IGF2BP3: variants seen among roughly 807,000 people sequenced by gnomAD.
The protein encoded by IGF2BP3 is insulin like growth factor 2 mRNA binding protein 3.
IGF2BP3 carries 9 observed loss-of-function variants against 73.8 expected under a neutral mutation model. That is an observed-to-expected ratio of 0.12 (90% CI 0.07 to 0.21). IGF2BP3 has a LOEUF of 0.21. Ranked by LOEUF, IGF2BP3 falls within the 10% of genes least tolerant of loss-of-function variation. The pLI is 1.00. For missense variants in IGF2BP3, 542 were observed against 714.0 expected (o/e 0.76, Z 2.75); for synonymous variants, 258 against 256.7 (o/e 1.01, Z -0.05).
intron 3 of IGF2BP3, among the ~76,000 whole-genome samples, chr7:23,377,410 C>G (rs1785762404): frequency 6.6e-6 from 1 of 152,122 alleles, no homozygotes; most frequent in Non-Finnish European, 1.5e-5. Flanking sequence ...TAACAGAAAT[C>G]AAACTAAAGT....
At chr7:23,338,533 C>T (rs1351339130) in intron 10 of IGF2BP3, among the ~76,000 whole-genome samples, 1 of 152,174 alleles carries the variant, frequency 6.6e-6, no homozygotes, top group Non-Finnish European at 1.5e-5. Flanking sequence ...GCATAAAACT[C>T]CTGATGACCT....
Position 23,312,231 on chromosome 7 carries a change from T to G in IGF2BP3, c.*131A>C. On this transcript the variant is annotated 3_prime_UTR_variant, in exon 15 of 15. Coordinates refer to ENST00000258729, the MANE Select transcript of IGF2BP3 (RefSeq NM_006547.3). ...AGACAGGAGTTCAAAAGTTGCCTGG[T>G]CCTCAGAAACAACTGGCTAGGTAAA... is the stretch of plus-strand genomic sequence containing the variant. 1.4e-6 allele frequency: 1 copy of G among 694,908 alleles called. No individual in the cohort carries two copies. The highest frequency in any genetic ancestry group is 2.6e-6 in the Non-Finnish European group (1 of 388,338). 43.0% of individuals were successfully genotyped at this position (694,908 alleles called of 1,614,324 possible).
rs1788625226 is a variant in IGF2BP3, at chr7:23,468,547, G to A, written c.176-5C>T. 3 of 1,614,092 alleles carry A rather than the reference G, an allele frequency of 1.9e-6. No homozygotes were observed. Among genetic ancestry groups the A allele is most frequent in the Non-Finnish European group, 2.5e-6 (3 of 1,179,928 alleles). ...TCCCGTGCAGTTCTATTTTACCTGCGGACACACAAGAAGTGAGACGGTCGG... is the reference window on the plus strand; with the variant it reads ...TCCCGTGCAGTTCTATTTTACCTGCAGACACACAAGAAGTGAGACGGTCGG... On this transcript the variant is annotated splice_polypyrimidine_tract_variant and splice_region_variant and intron_variant, in intron 1 of 14. Transcript: ENST00000258729.
chr7:23,359,135 C>T (rs561961649), intron 5 of IGF2BP3, among the ~76,000 whole-genome samples: 65 of 152,318 alleles, frequency 4.3e-4, no homozygotes, highest in African/African-American at 1.4e-3. Context: ...TTAACAACTA[C>T]GCTAAAGAAT....
At chr7:23,451,425 GT>G (rs764098068) in intron 2 of IGF2BP3, among the ~76,000 whole-genome samples, 1 of 151,630 alleles carries the variant, frequency 6.6e-6, no homozygotes, top group African/African-American at 2.4e-5. Context: ...TCAAAAAAGA[GT>G]TTTTTATTTA....
intron 2 of IGF2BP3, among the ~76,000 whole-genome samples, chr7:23,461,495 C>T (rs1788449790): frequency 6.6e-6 from 1 of 152,178 alleles, no homozygotes. Context: ...GCTCCTCTCC[C>T]AATATTCTCC....
chr7:23,312,886 T>A, intron 13 of IGF2BP3, 38 bp from the exon 14 acceptor site: 1 of 1,383,050 alleles, frequency 7.2e-7, no homozygotes, highest in Middle Eastern at 1.8e-4. Context: ...AAGTGGCAGT[T>A]TTAAAACCTT....
At chr7:23,325,940 AAGACTTAAACGTT>A (rs1256931577) in intron 10 of IGF2BP3, among the ~76,000 whole-genome samples, 1 of 152,240 alleles carries the variant, frequency 6.6e-6, no homozygotes, top group Admixed American at 6.5e-5. Flanking sequence ...AGATGGACTA[AAGACTTAAACGTT>A]AGACCTAAAA....
chr7:23,468,845 G>A (rs1788633536), intron 1 of IGF2BP3, among the ~76,000 whole-genome samples: 1 of 152,184 alleles, frequency 6.6e-6, no homozygotes, highest in Non-Finnish European at 1.5e-5. Flanking sequence ...CAAGAGGGAC[G>A]CGGCCCACCC....
At chr7:23,321,201 G>T (rs202189747) in intron 10 of IGF2BP3, among the ~76,000 whole-genome samples, 317 of 138,846 alleles carry the variant, frequency 2.3e-3, no homozygotes, top group South Asian at 5.1e-3. Context: ...GTGGGCGCAG[G>T]TCAGTGGGTG....
intron 3 of IGF2BP3, among the ~76,000 whole-genome samples, chr7:23,376,780 T>G (rs770245393): frequency 6.6e-6 from 1 of 151,908 alleles, no homozygotes. Flanking sequence ...AGGCAGGAGG[T>G]TGGCTTGGCC....
At chr7:23,407,947 AGGGGGC>A (rs1786892532) in intron 3 of IGF2BP3, among the ~76,000 whole-genome samples, 1 of 4,454 alleles carries the variant, frequency 2.2e-4, no homozygotes, top group Non-Finnish European at 8.0e-4. Flanking sequence ...TGTGGGGGGC[AGGGGGC>A]GGGGGGCGGG....
intron 3 of IGF2BP3, among the ~76,000 whole-genome samples, chr7:23,369,005 A>T (rs1785469879): frequency 6.6e-6 from 1 of 152,224 alleles, no homozygotes; most frequent in Admixed American, 6.5e-5. Flanking sequence ...AAATACTAAA[A>T]GCAACTTTAC....
intron 3 of IGF2BP3, among the ~76,000 whole-genome samples, chr7:23,392,414 G>T (rs189886045): frequency 0.018 from 2,313 of 127,786 alleles, 44 homozygotes; most frequent in Middle Eastern, 0.045. Context: ...AAAAAAAAAA[G>T]ACAAGGACAG....
At chr7:23,325,037 C>G (rs1784256667) in intron 10 of IGF2BP3, among the ~76,000 whole-genome samples, 1 of 151,882 alleles carries the variant, frequency 6.6e-6, no homozygotes, top group Non-Finnish European at 1.5e-5. Context: ...TCTCTCACCA[C>G]TCCTACTCAA....
At chr7:23,367,583 G>A (rs1785415461) in intron 3 of IGF2BP3, among the ~76,000 whole-genome samples, 4 of 152,056 alleles carry the variant, frequency 2.6e-5, no homozygotes, top group Admixed American at 2.0e-4. Context: ...AAATTCCAAC[G>A]ACAGGGGAGG....
At chr7:23,437,154 T>G (rs1038098239) in intron 2 of IGF2BP3, among the ~76,000 whole-genome samples, 3 of 151,756 alleles carry the variant, frequency 2.0e-5, no homozygotes, top group Admixed American at 2.0e-4. Context: ...TATAGGATAC[T>G]TTTTAAACTT....
At chr7:23,437,695 AG>A (rs1489933959) in intron 2 of IGF2BP3, among the ~76,000 whole-genome samples, 1 of 152,186 alleles carries the variant, frequency 6.6e-6, no homozygotes, top group African/African-American at 2.4e-5. Context: ...AATCATTTCC[AG>A]ATTATTTCTG....
rs138273194 is a variant in IGF2BP3 at position 23,460,074 on chromosome 7, A to T, written c.236+8408T>A. ...CAAGACATCGTCTCTACTAAAAATTAAAAAAAAAATTAGCCAGACGAGGAG... is the reference window on the plus strand; with the variant it reads ...CAAGACATCGTCTCTACTAAAAATTTAAAAAAAAATTAGCCAGACGAGGAG... On this transcript the variant is annotated intron_variant, in intron 2 of 14. Transcript: ENST00000258729. Among the ~76,000 whole-genome samples the T allele has an allele frequency of 2.6e-3, 365 of 142,506 alleles. 1 individual carries two copies. The highest frequency in any genetic ancestry group is 4.1e-3 in the Admixed American group (59 of 14,346). The allele number at this position is 142,506 out of a possible 152,430, so 93.5% of individuals were successfully genotyped here. A position where few individuals can be genotyped will look rare whatever the true frequency, so the allele number is the denominator to read the frequency against.
Sources: allele counts gnomAD v4.1 joint callset (sites outside exome capture counted in the v4.1 genomes callset), GRCh38; gene constraint gnomAD v4.1.1; transcripts MANE v1.5; gene names NCBI Gene and HGNC (gene_info 2026-07-23, HGNC 2026-07-21).